Variants in TMEM108 observed in about 807,000 individuals in gnomAD.
The protein encoded by TMEM108 is transmembrane protein 108.
In TMEM108, 12 loss-of-function variants were observed where a neutral mutation model predicts 35.1. The observed-to-expected ratio is 0.34, with a 90% CI of 0.22 to 0.55. The LOEUF (loss-of-function observed/expected upper bound fraction) is 0.55, where lower values mean the gene tolerates loss of function less well. Ranked by LOEUF, TMEM108 falls within the 20% of genes least tolerant of loss-of-function variation. The probability of loss-of-function intolerance (pLI) is 0.89; values close to 1 mark genes in which losing one functional copy is unlikely to be tolerated. For missense variants in TMEM108, 680 were observed against 753.3 expected (o/e 0.90, Z 1.14); for synonymous variants, 287 against 308.6 (o/e 0.93, Z 0.73).
intron 2 of TMEM108, among the ~76,000 whole-genome samples, chr3:133,157,178 G>A (rs748277762): frequency 2.0e-4 from 31 of 152,056 alleles, no homozygotes; most frequent in Non-Finnish European, 3.8e-4. Context: ...CTTTGCTACC[G>A]TTTTTAACTT....
intron 2 of TMEM108, among the ~76,000 whole-genome samples, chr3:133,063,442 G>A (rs1212312644): frequency 1.3e-5 from 2 of 152,190 alleles, no homozygotes; most frequent in African/African-American, 2.4e-5. Flanking sequence ...TTCAGGGAAT[G>A]TGGGGAGAAA....
At chr3:133,296,108 A>G (rs759814701) in intron 3 of TMEM108, among the ~76,000 whole-genome samples, 28 of 152,056 alleles carry the variant, frequency 1.8e-4, no homozygotes, top group Non-Finnish European at 3.7e-4. Flanking sequence ...GTGCATATCT[A>G]CCCTTAATGT....
intron 2 of TMEM108, among the ~76,000 whole-genome samples, chr3:133,179,809 AAAAAT>A (rs553162936): frequency 0.033 from 5,007 of 151,804 alleles, 164 homozygotes; most frequent in African/African-American, 0.089. Context: ...AGTATAATAA[AAAAAT>A]AAAATAAAAT....
intron 3 of TMEM108, among the ~76,000 whole-genome samples, chr3:133,298,493 G>C (rs1378590055): frequency 6.6e-6 from 1 of 151,920 alleles, no homozygotes; most frequent in Admixed American, 6.6e-5. Context: ...TGATTTTATG[G>C]GACTTTTTTC....
intron 3 of TMEM108, among the ~76,000 whole-genome samples, chr3:133,372,946 C>T (rs1034245704): frequency 4.6e-5 from 7 of 152,148 alleles, no homozygotes; most frequent in African/African-American, 7.2e-5. Flanking sequence ...GTCAGTGATA[C>T]ATATTTATTT....
Position 133,379,928 on chromosome 3 carries a change from C to A in TMEM108, c.217C>A (p.Pro73Thr), listed in dbSNP as rs202042493. The change falls in exon 4 of 6, where the codon CCC (proline) becomes ACC (threonine). Residue 73 changes from proline (P) to threonine (T), a missense_variant. By Grantham distance (38) the Pro-to-Thr change is conservative. This residue lies in a region of TMEM108 where 526 missense variants were observed against 532.1 expected (regional missense o/e 0.99). Transcript: ENST00000321871. ...GATGCTGACCCCCAATCCCGATGGA[C>A]CCCCCTCACAGGCTGCAGCTCCCAT... The part of the protein sequence containing the change: ...VVMLTPNPDG[P>T]PSQAAAPMAT... 2.7e-5 allele frequency: 43 copies of A among 1,613,614 alleles called. No individual in the cohort carries two copies. The East Asian group carries it at 8.2e-4, about 31-fold the overall frequency.
chr3:133,227,659 G>A (rs528264069), intron 2 of TMEM108, among the ~76,000 whole-genome samples: 5 of 151,882 alleles, frequency 3.3e-5, no homozygotes, highest in East Asian at 2.0e-4. Context: ...CACTTTGGGA[G>A]GCTGAGATGG....
At chr3:133,097,685 T>G (rs1360390879) in intron 2 of TMEM108, among the ~76,000 whole-genome samples, 1 of 152,232 alleles carries the variant, frequency 6.6e-6, no homozygotes, top group Non-Finnish European at 1.5e-5. Flanking sequence ...CATGTAGAAT[T>G]CATTTGTAGT....
intron 2 of TMEM108, among the ~76,000 whole-genome samples, chr3:133,070,779 G>A (rs1484615225): frequency 1.3e-5 from 2 of 148,992 alleles, no homozygotes; most frequent in Non-Finnish European, 3.0e-5. Context: ...GTGTATCTGT[G>A]TGTGTTTGTG....
chr3:133,388,997 G>A (rs1475932514), intron 4 of TMEM108: 1 of 985,602 alleles, frequency 1.0e-6, no homozygotes, highest in African/African-American at 1.7e-5. Flanking sequence ...CAGGATGTCA[G>A]ATGTGGCTCT....
At chr3:133,354,466 A>C (rs1412122586) in intron 3 of TMEM108, among the ~76,000 whole-genome samples, 3 of 152,242 alleles carry the variant, frequency 2.0e-5, no homozygotes, top group Non-Finnish European at 4.4e-5. Context: ...GGAGCTTTGC[A>C]GGGAAGCTTG....
At chr3:133,048,298 A>G (rs967691865) in intron 2 of TMEM108, among the ~76,000 whole-genome samples, 4 of 152,250 alleles carry the variant, frequency 2.6e-5, no homozygotes, top group African/African-American at 9.6e-5. Flanking sequence ...ACAATACAGT[A>G]AAGACCAGAG....
At chr3:133,195,403 T>C (rs1945562112) in intron 2 of TMEM108, among the ~76,000 whole-genome samples, 1 of 152,218 alleles carries the variant, frequency 6.6e-6, no homozygotes, top group South Asian at 2.1e-4. Flanking sequence ...AACATTCTTC[T>C]TGACATCCTT....
chr3:133,204,598 T>C (rs975166704), intron 2 of TMEM108, among the ~76,000 whole-genome samples: 5 of 152,234 alleles, frequency 3.3e-5, no homozygotes, highest in Non-Finnish European at 4.4e-5. Context: ...AGTTTCTGTG[T>C]AGTTGTGTGG....
At chr3:133,238,684 C>G (rs554788046) in intron 3 of TMEM108, among the ~76,000 whole-genome samples, 1 of 152,294 alleles carries the variant, frequency 6.6e-6, no homozygotes, top group Non-Finnish European at 1.5e-5. Context: ...TCATCTCTAG[C>G]TGAAGCTGGC....
intron 3 of TMEM108, among the ~76,000 whole-genome samples, chr3:133,347,278 C>G (rs1020080429): frequency 1.3e-5 from 2 of 152,082 alleles, no homozygotes; most frequent in Admixed American, 6.6e-5. Context: ...CATAGAATAT[C>G]TCTCCATTTC....
intron 3 of TMEM108, among the ~76,000 whole-genome samples, chr3:133,273,875 G>C (rs751309134): frequency 6.6e-6 from 1 of 152,140 alleles, no homozygotes; most frequent in East Asian, 1.9e-4. Context: ...AGGGTCAGGC[G>C]TAACAGTCAG....
At chr3:133,088,282 A>G (rs180838281) in intron 2 of TMEM108, among the ~76,000 whole-genome samples, 1 of 152,246 alleles carries the variant, frequency 6.6e-6, no homozygotes, top group Admixed American at 6.5e-5. Context: ...CAGAGGTGGC[A>G]GAACATGAAG....
intron 2 of TMEM108, among the ~76,000 whole-genome samples, chr3:133,220,082 G>GTTT (rs57936804): frequency 1.6e-3 from 227 of 139,344 alleles, no homozygotes; most frequent in Non-Finnish European, 2.8e-3. Flanking sequence ...TGTTTCTTCG[G>GTTT]TTTTTTTTTT....
Sources: gnomAD v4.1 joint callset for allele counts (sites outside exome capture counted in the v4.1 genomes callset) on GRCh38, gnomAD v4.1.1 for gene constraint, gnomAD v4.1.1 regional missense constraint, MANE v1.5 for transcripts, NCBI Gene and HGNC (gene_info 2026-07-23, HGNC 2026-07-21) for gene names.